Variants in PRKD1 observed in about 807,000 individuals in gnomAD.
PRKD1 encodes serine/threonine-protein kinase D1.
In PRKD1, 63 loss-of-function variants were observed where a neutral mutation model predicts 95.9. The ratio of observed to expected loss-of-function variants is 0.66; its 90% CI spans 0.54 to 0.81. The LOEUF is 0.81. PRKD1 is among the 30% of genes least tolerant of loss of function. The probability of loss-of-function intolerance (pLI) is 0.00; values close to 1 mark genes in which losing one functional copy is unlikely to be tolerated. For synonymous variants in PRKD1, 425 were observed against 423.1 expected (o/e 1.00, Z -0.05); for missense variants, 1,048 against 1,165.3 (o/e 0.90, Z 1.47).
chr14:29,673,432 T>C (rs1882980425), intron 2 of PRKD1, among the ~76,000 whole-genome samples: 1 of 151,980 alleles, frequency 6.6e-6, no homozygotes, highest in Non-Finnish European at 1.5e-5. Flanking sequence ...AGGTTCCACC[T>C]GATCCACACC....
chr14:29,610,130 A>T (rs1016591350), intron 13 of PRKD1, among the ~76,000 whole-genome samples: 1 of 152,206 alleles, frequency 6.6e-6, no homozygotes, highest in African/African-American at 2.4e-5. Flanking sequence ...GTAGTATAAA[A>T]ATATTTGACA....
chr14:29,720,812 T>C (rs1357115828), intron 2 of PRKD1, among the ~76,000 whole-genome samples: 2 of 151,614 alleles, frequency 1.3e-5, no homozygotes, highest in African/African-American at 4.9e-5. Context: ...AATAAATAAA[T>C]CCTGAAGCCC....
intron 2 of PRKD1, among the ~76,000 whole-genome samples, chr14:29,724,777 T>C (rs1454014590): frequency 2.0e-5 from 3 of 152,190 alleles, no homozygotes; most frequent in South Asian, 2.1e-4. Context: ...AATCCAAGTT[T>C]CTCAATAATT....
chr14:29,865,303 G>C (rs1191318547), intron 1 of PRKD1, among the ~76,000 whole-genome samples: 1 of 152,124 alleles, frequency 6.6e-6, no homozygotes, highest in African/African-American at 2.4e-5. Flanking sequence ...TAAATAAATA[G>C]GTTTTTTTAA....
chr14:29,690,159 C>T (rs909530779), intron 2 of PRKD1, among the ~76,000 whole-genome samples: 4 of 152,148 alleles, frequency 2.6e-5, no homozygotes, highest in East Asian at 1.9e-4. Context: ...GAGAGGTCTC[C>T]GTCTCTTCTT....
chr14:29,766,098 A>G (rs1410729301), intron 1 of PRKD1, among the ~76,000 whole-genome samples: 2 of 152,168 alleles, frequency 1.3e-5, no homozygotes, highest in Non-Finnish European at 2.9e-5. Flanking sequence ...AAGAGCAACG[A>G]CGAAGAGAAG....
intron 1 of PRKD1, among the ~76,000 whole-genome samples, chr14:29,870,365 A>G (rs1466637118): frequency 2.0e-5 from 3 of 152,182 alleles, no homozygotes; most frequent in African/African-American, 7.2e-5. Flanking sequence ...TGTACCCACC[A>G]AAAAATATTC....
At chr14:29,587,360 T>C (rs939611828) in intron 16 of PRKD1, among the ~76,000 whole-genome samples, 3 of 152,332 alleles carry the variant, frequency 2.0e-5, no homozygotes, top group African/African-American at 2.4e-5. Context: ...TTTGTTGTTA[T>C]GGAAGAAAGC....
At chr14:29,700,990 ACACACACACACACACACCCTGTTGTGTGT>A (rs1566548009) in intron 2 of PRKD1, among the ~76,000 whole-genome samples, 1 of 45,032 alleles carries the variant, frequency 2.2e-5, no homozygotes, top group African/African-American at 1.4e-4. Context: ...GCGCGCGCGC[ACACACACACACACACACCCTGTTGTGTGT>A]GGGAACTCTG....
chr14:29,759,359 T>C (rs1489438961), intron 1 of PRKD1, among the ~76,000 whole-genome samples: 4 of 152,078 alleles, frequency 2.6e-5, no homozygotes, highest in Non-Finnish European at 5.9e-5. Flanking sequence ...ACCCATGAAA[T>C]AGATTCTAAT....
intron 13 of PRKD1, among the ~76,000 whole-genome samples, chr14:29,615,058 G>GA (rs1365478975): frequency 1.3e-5 from 2 of 151,862 alleles, no homozygotes; most frequent in African/African-American, 2.4e-5. Context: ...GGTAGAGCAA[G>GA]AAAAGACTTT....
chr14:29,761,632 C>T (rs1594492819), intron 1 of PRKD1, among the ~76,000 whole-genome samples: 1 of 152,088 alleles, frequency 6.6e-6, no homozygotes, highest in East Asian at 1.9e-4. Context: ...ATCACTGATA[C>T]ACTTATGTTA....
chr14:29,887,775 T>C lies in PRKD1; in HGVS notation c.264+39474A>G, dbSNP rs565069040. Among the ~76,000 whole-genome samples the C allele has an allele frequency of 4.2e-4, 64 of 152,348 alleles. 1 individual carries two copies. In the South Asian group the frequency reaches 0.013, roughly 32 times the overall value. ...GTCTATAGTATTCAGTGCAGTAATG[T>C]GCTGTACAGTTATAGCCTAGGAGCA... On this transcript the variant is annotated intron_variant, in intron 1 of 17. Coordinates refer to ENST00000331968, the MANE Select transcript of PRKD1 (RefSeq NM_002742.3).
intron 1 of PRKD1, among the ~76,000 whole-genome samples, chr14:29,735,651 G>A (rs1467172699): frequency 1.3e-5 from 2 of 152,172 alleles, no homozygotes; most frequent in Non-Finnish European, 1.5e-5. Flanking sequence ...AGAGGCTTAG[G>A]AGGCAAGGGT....
intron 16 of PRKD1, chr14:29,591,176 T>A (rs181780180): frequency 6.6e-6 from 1 of 152,314 alleles, no homozygotes; most frequent in East Asian, 1.9e-4. Context: ...CCCTGGTGTT[T>A]ATAGTTGTTT....
intron 1 of PRKD1, among the ~76,000 whole-genome samples, chr14:29,888,033 G>A (rs1057445275): frequency 6.6e-6 from 1 of 152,202 alleles, no homozygotes; most frequent in African/African-American, 2.4e-5. Flanking sequence ...GGGTGCAGTG[G>A]CTCACACCTT....
chr14:29,754,874 T>C (rs17096055), intron 1 of PRKD1, among the ~76,000 whole-genome samples: 33,927 of 151,974 alleles, frequency 0.22, 4,015 homozygotes, highest in African/African-American at 0.27. Context: ...TCAAGGTTCA[T>C]TTAGGGAGAT....
chr14:29,819,998 G>A (rs1890848439), intron 1 of PRKD1, among the ~76,000 whole-genome samples: 1 of 152,294 alleles, frequency 6.6e-6, no homozygotes, highest in South Asian at 2.1e-4. Flanking sequence ...AGTCTCAAAA[G>A]ATGTTGGTCC....
At chr14:29,728,549 C>T (rs1238454301) in intron 1 of PRKD1, among the ~76,000 whole-genome samples, 1 of 152,136 alleles carries the variant, frequency 6.6e-6, no homozygotes, top group Non-Finnish European at 1.5e-5. Context: ...TCTTTTCTGG[C>T]TGGCTTTTTT....
Sources: gnomAD v4.1 joint callset for allele counts (sites outside exome capture counted in the v4.1 genomes callset) on GRCh38, gnomAD v4.1.1 for gene constraint, MANE v1.5 for transcripts, NCBI Gene and HGNC (gene_info 2026-07-23, HGNC 2026-07-21) for gene names.